The following ART5 variants were observed in gnomAD, a reference collection of about 807,000 sequenced individuals.
The protein encoded by ART5 is ecto-ADP-ribosyltransferase 5.
A neutral mutation model predicts 25.0 loss-of-function variants in ART5; 22 were observed. The observed-to-expected ratio is 0.88, with a 90% CI of 0.63 to 1.26. The LOEUF (loss-of-function observed/expected upper bound fraction) is 1.26, where lower values mean the gene tolerates loss of function less well. Ranked by LOEUF, ART5 falls within the 50% of genes most tolerant of loss-of-function variation. ART5 has a pLI of 0.00. For missense variants in ART5, 402 were observed against 372.8 expected (o/e 1.08, Z -0.64); for synonymous variants, 161 against 154.8 (o/e 1.04, Z -0.30).
chr11:3,639,170 C>T, intron 2 of ART5, 135 bp from the exon 3 acceptor site: 1 of 974,748 alleles, frequency 1.0e-6, no homozygotes, highest in South Asian at 1.7e-5. Flanking sequence ...TTCTGATTTC[C>T]CTTCCTCCTC....
intron 2 of ART5, among the ~76,000 whole-genome samples, 166 bp downstream of exon 2, chr11:3,639,476 C>G (rs2077359694): frequency 1.3e-5 from 2 of 152,122 alleles, no homozygotes; most frequent in South Asian, 4.2e-4. Flanking sequence ...ACTTATAGGA[C>G]CCCAAAAAAC....
At chr11:3,642,153 G>A, upstream of ART5, 2 of 1,277,202 alleles carry the variant, frequency 1.6e-6, no homozygotes, top group Non-Finnish European at 2.0e-6. Context: ...GCCTGAGAGG[G>A]GAGGGCCGGG....
chr11:3,641,254 G>A (rs1396978442), intron 1 of ART5, among the ~76,000 whole-genome samples: 3 of 152,208 alleles, frequency 2.0e-5, no homozygotes, highest in Non-Finnish European at 4.4e-5. Context: ...CACTTTTCCG[G>A]CTGTAAGATC....
Position 3,639,688 on chromosome 11 carries a change from C to A in ART5, c.741G>T (p.Trp247Cys), listed in dbSNP as rs1174910368. The A allele has an allele frequency of 6.2e-7, 1 of 1,613,920 alleles. No homozygotes were observed. Among genetic ancestry groups the A allele is most frequent in the South Asian group, 1.1e-5 (1 of 91,060 alleles). The change falls in exon 2 of 4, where the codon TGG becomes TGT. Residue 247 changes from tryptophan to cysteine, a missense_variant. Trp to Cys is a radical substitution (Grantham distance 215, BLOSUM62 -2). Coordinates refer to ENST00000397068, the MANE Select transcript of ART5 (RefSeq NM_053017.5). ...AATGGCTACAGGTCTGATTATAGCT[C>A]CAGAGAGTCACCAAGCTCTGGGCTC... ...QDGAQSLVTL[W>C]SYNQTCSHFN...
At chr11:3,640,429 G>A in intron 1 of ART5, 58 bp from the exon 2 acceptor site, 2 of 1,506,960 alleles carry the variant, frequency 1.3e-6, no homozygotes, top group Non-Finnish European at 1.8e-6. Flanking sequence ...CACTGGACAT[G>A]GGTCCTGGGG....
Position 3,638,621 on chromosome 11 carries a change from C to T in ART5, c.*117G>A. 3.1e-6 allele frequency: 4 copies of T among 1,291,896 alleles called. No homozygotes were observed. The highest frequency in any genetic ancestry group is 4.4e-6 in the Non-Finnish European group (4 of 899,058). The allele number at this position is 1,291,896 out of a possible 1,614,324, so 80.0% of individuals were successfully genotyped here. A position where few individuals can be genotyped will look rare whatever the true frequency, so the allele number is the denominator to read the frequency against. The stretch of plus-strand genomic sequence containing the variant: ...TGCCTCAGTACTTTCCTTGCTTGTC[C>T]CAGGAAGTCCCCATCACATAGCAGA... On this transcript the variant is annotated 3_prime_UTR_variant, in exon 4 of 4. Coordinates refer to ENST00000397068, the MANE Select transcript of ART5 (RefSeq NM_053017.5).
At chr11:3,642,089 C>T (rs1257358118), upstream of ART5, 2 of 1,407,214 alleles carry the variant, frequency 1.4e-6, no homozygotes, top group East Asian at 2.6e-5. Flanking sequence ...TCCTCAGAGC[C>T]TCCAGTCTGG....
upstream of ART5, chr11:3,642,014 CG>C: frequency 1.4e-6 from 2 of 1,449,388 alleles, no homozygotes; most frequent in Non-Finnish European, 1.8e-6. Context: ...GGGGCGTGGG[CG>C]GGGCCTGGGA....
rs139576225 is a variant in ART5, at chr11:3,639,690, A to G, written c.739T>C (p.Trp247Arg). The stretch of plus-strand genomic sequence containing the variant: ...TGGCTACAGGTCTGATTATAGCTCC[A>G]GAGAGTCACCAAGCTCTGGGCTCCA... ...QDGAQSLVTL[W>R]SYNQTCSHFN... Residue 247 changes from tryptophan (W) to arginine (R), a missense_variant, in exon 2 of 4, where the codon TGG (tryptophan) becomes CGG (arginine). By Grantham distance (101) the Trp-to-Arg change is moderately radical. Transcript: ENST00000397068. The G allele has an allele frequency of 7.4e-6, 12 of 1,613,884 alleles. No individual in the cohort carries two copies. The African/African-American group carries it at 1.3e-4, about 18-fold the overall frequency.
rs762873552 is a variant in ART5 at position 3,640,176 on chromosome 11, G to T, written c.253C>A (p.Pro85Thr). Residue 85 changes from proline (P) to threonine (T), a missense_variant, in exon 2 of 4, where the codon CCC becomes ACC. Coordinates refer to ENST00000397068, the MANE Select transcript of ART5 (RefSeq NM_053017.5). The stretch of plus-strand genomic sequence containing the variant: ...CCATTCTGGGCTTTGAAGCCAGGGG[G>T]CAAGGTAAGCCCTCGACGCTTGTCC... Reference protein sequence around the residue: ...WEDKRRGLTLPPGFKAQNGIA... With the variant: ...WEDKRRGLTLTPGFKAQNGIA... The T allele has an allele frequency of 5.0e-6, 8 of 1,614,100 alleles. No homozygotes were observed. Among genetic ancestry groups the T allele is most frequent in the South Asian group, 1.1e-5 (1 of 91,088 alleles).
At position 3,639,951 on chromosome 11, in the gene ART5, G is replaced by A. The variant is rs754739993; in HGVS notation, c.478C>T (p.Arg160Ter). ...CSRGPGEVVF[R>*]GVGSLRFEPK... The stretch of plus-strand genomic sequence containing the variant: ...TCAAAGCGAAGGCTGCCCACACCTC[G>A]GAACACCACCTCCCCAGGTCCCCTG... Residue 160 changes from arginine to a stop codon, truncating the protein, a stop_gained, in exon 2 of 4, where the codon CGA becomes TGA. Coordinates refer to ENST00000397068, the MANE Select transcript of ART5 (RefSeq NM_053017.5). LOFTEE classifies it high-confidence loss of function. 36 of 1,613,992 alleles carry A rather than the reference G, an allele frequency of 2.2e-5. No individual in the cohort carries two copies. Among genetic ancestry groups the A allele is most frequent in the East Asian group, 4.5e-5 (2 of 44,886 alleles).
Position 3,638,678 on chromosome 11 carries a change from C to A in ART5, c.*60G>T. On this transcript the variant is annotated 3_prime_UTR_variant, in exon 4 of 4. Coordinates refer to ENST00000397068, the MANE Select transcript of ART5 (RefSeq NM_053017.5). Reference sequence around the variant, plus strand: ...TCAGCCCTGCTGTGGCCTCCCCAGGCCAACATCCTGGTTGGGGAGAAGGCT... The same window carrying A: ...TCAGCCCTGCTGTGGCCTCCCCAGGACAACATCCTGGTTGGGGAGAAGGCT... 1 of 1,609,486 alleles carries A rather than the reference C, an allele frequency of 6.2e-7. No individual in the cohort carries two copies. Among genetic ancestry groups the A allele is most frequent in the Non-Finnish European group, 8.5e-7 (1 of 1,176,054 alleles).
chr11:3,641,740 G>A (rs2077401237), intron 1 of ART5, 66 bp downstream of exon 1: 3 of 1,547,188 alleles, frequency 1.9e-6, no homozygotes, highest in Non-Finnish European at 2.6e-6. Context: ...TCAGCCCCGG[G>A]TCCACTTCCT....
At position 3,639,812 on chromosome 11, in the gene ART5, A is replaced by G. The variant is rs2077365211; in HGVS notation, c.617T>C (p.Phe206Ser). The change falls in exon 2 of 4, where the codon TTT becomes TCT. Residue 206 changes from phenylalanine (F) to serine (S), a missense_variant. Coordinates refer to ENST00000397068, the MANE Select transcript of ART5 (RefSeq NM_053017.5). ...NATLFSLTTC[F>S]GAPIQAFSVF... The stretch of plus-strand genomic sequence containing the variant: ...AGAGAAGGCCTGTATAGGGGCCCCA[A>G]AGCAAGTTGTTAGAGAGAAGAGGGT... The G allele has an allele frequency of 6.2e-7, 1 of 1,614,198 alleles. No individual in the cohort carries two copies. The highest frequency in any genetic ancestry group is 8.5e-7 in the Non-Finnish European group (1 of 1,180,040).
At chr11:3,639,306 G>A (rs57435484) in intron 2 of ART5, among the ~76,000 whole-genome samples, 10,246 of 152,114 alleles carry the variant, frequency 0.067, 1,143 homozygotes, top group African/African-American at 0.23. Context: ...CAGCCCCATC[G>A]AGCCCAGGGC....
At chr11:3,639,063 C>A (rs200780526) in intron 2 of ART5, 28 bp from the exon 3 acceptor site, 1 of 1,550,132 alleles carries the variant, frequency 6.5e-7, no homozygotes, top group Non-Finnish European at 8.7e-7. Flanking sequence ...GTGAGGCCTC[C>A]GCGTGGACAG....
chr11:3,639,772 C>T lies in ART5; in HGVS notation c.657G>A (p.Glu219=). The change falls in exon 2 of 4, where the codon GAG becomes GAA. Residue 219 remains glutamate (E), a synonymous_variant. Coordinates refer to ENST00000397068, the MANE Select transcript of ART5 (RefSeq NM_053017.5). ...CATGGGGGGGAATCAGCACCTCGCG[C>T]TCCTTGGGAAAGACAGAGAAGGCCT... ...PIQAFSVFPK[E]REVLIPPHEV... is the part of the protein sequence containing the mutation. The T allele has an allele frequency of 6.2e-7, 1 of 1,614,164 alleles. No individual in the cohort carries two copies. The highest frequency in any genetic ancestry group is 8.5e-7 in the Non-Finnish European group (1 of 1,180,030).
In ART5 at chr11:3,641,961, C is replaced by A; in HGVS notation, c.-99G>T. The A allele has an allele frequency of 6.6e-7, 1 of 1,503,776 alleles. No homozygotes were observed. Among genetic ancestry groups the A allele is most frequent in the South Asian group, 1.2e-5 (1 of 82,186 alleles). 93.2% of individuals were successfully genotyped at this position (1,503,776 alleles called of 1,614,324 possible). A position where few individuals can be genotyped will look rare whatever the true frequency, so the allele number is the denominator to read the frequency against. On this transcript the variant is annotated 5_prime_UTR_variant, in exon 1 of 4. Coordinates refer to ENST00000397068, the MANE Select transcript of ART5 (RefSeq NM_053017.5). ...GGCTGGAGGCAGATCTGGACCCTGT[C>A]TCCAGGCGCACGGGATCCCGGGTCC...
chr11:3,642,001 G>T (rs1186965429), upstream of ART5: 110 of 1,458,816 alleles, frequency 7.5e-5, no homozygotes, highest in Non-Finnish European at 9.0e-5. Context: ...TTAGGGCCCC[G>T]GCGGGGCGTG....
Sources: gnomAD v4.1 joint callset for allele counts (sites outside exome capture counted in the v4.1 genomes callset) on GRCh38, gnomAD v4.1.1 for gene constraint, MANE v1.5 for transcripts, NCBI Gene and HGNC (gene_info 2026-07-23, HGNC 2026-07-21) for gene names.